The following ANKRD28 variants were observed in gnomAD, a reference collection of about 807,000 sequenced individuals.
ANKRD28 encodes the protein serine/threonine-protein phosphatase 6 regulatory ankyrin repeat subunit A.
A neutral mutation model predicts 126.5 loss-of-function variants in ANKRD28; 44 were observed. The observed-to-expected ratio is 0.35, with a 90% confidence interval of 0.27 to 0.45. The LOEUF is 0.45. Ranked by LOEUF, ANKRD28 falls within the 20% of genes least tolerant of loss-of-function variation. The pLI is 1.00. For synonymous variants in ANKRD28, 442 were observed against 468.5 expected, an observed-to-expected ratio of 0.94 and a Z score of 0.73; for missense variants, 1,110 against 1,316.6, an observed-to-expected ratio of 0.84 and a Z score of 2.43.
At position 15,833,565 on chromosome 3, in the gene ANKRD28, GTA is replaced by G. The variant is rs550234832; in HGVS notation, c.27+25810_27+25811del. Reference sequence around the variant, plus strand: ...TTTTTTATATATATAATGTGTGTGTGTATATATATATCTCCTATTAGTTCTGT... The same window carrying G: ...TTTTTTATATATATAATGTGTGTGTGTATATATATCTCCTATTAGTTCTGT... On this transcript the variant is annotated intron_variant, in intron 1 of 27. Coordinates refer to the ANKRD28 transcript ENST00000399451. This position sits in a 1 kb window ranked among gnomAD's most constrained non-coding sequence, Gnocchi z 4.4. 6.7e-6 allele frequency among the ~76,000 whole-genome samples: 1 copy of G among 149,464 alleles called. No homozygotes were observed. The highest frequency in any genetic ancestry group is 2.4e-5 in the African/African-American group (1 of 40,858).
At chr3:15,721,915 T>G (rs1049122405) in intron 7 of ANKRD28, among the ~76,000 whole-genome samples, 1 of 152,064 alleles carries the variant, frequency 6.6e-6, no homozygotes, top group African/African-American at 2.4e-5. Context: ...CTGGCTAATA[T>G]TTGTATTTTA....
At chr3:15,768,552 G>A (rs1384336966) in intron 2 of ANKRD28, among the ~76,000 whole-genome samples, 1 of 152,062 alleles carries the variant, frequency 6.6e-6, no homozygotes, top group Non-Finnish European at 1.5e-5. Flanking sequence ...GTACTCGGCA[G>A]GCTGAGGTAG....
rs141544673 is a variant in ANKRD28 at position 15,851,544 on chromosome 3, AAAATAAATAAATAAATAAAT to A, written c.27+7813_27+7832del. 1.5e-3 allele frequency among the ~76,000 whole-genome samples: 215 copies of A among 145,614 alleles called. 1 individual carries two copies. The highest frequency in any genetic ancestry group is 4.3e-3 in the African/African-American group (165 of 38,668). ...GAGTGACAAAGTGAGACTCTGTGTC[AAAATAAATAAATAAATAAAT>A]AAATAAATAAATAAATAAATAAATA... On this transcript the variant is annotated intron_variant, in intron 1 of 27. Transcript: ENST00000399451.
chr3:15,812,345 C>T lies in ANKRD28; in HGVS notation c.28-17039G>A, dbSNP rs1307103878. 6.6e-6 allele frequency among the ~76,000 whole-genome samples: 1 copy of T among 151,980 alleles called. No individual in the cohort carries two copies. Among genetic ancestry groups the T allele is most frequent in the Non-Finnish European group, 1.5e-5 (1 of 68,006 alleles). On this transcript the variant is annotated intron_variant, in intron 1 of 27. Transcript: ENST00000399451. The surrounding 1 kb of genome is among the most constrained non-coding windows in gnomAD (Gnocchi z 4.1). ...TTTAAATGAATTTTCAAATGGTGCC[C>T]TTAGGTAAATTTAGAAAGGGTTTGC...
rs183851445 is a variant in ANKRD28, at chr3:15,808,506, T to C, written c.28-13200A>G. ...TCAACTTTTTCTCTATGATCTTTCA[T>C]TTATTCAATAGTCATCTTTCATTTA... On this transcript the variant is annotated intron_variant, in intron 1 of 27. Transcript: ENST00000399451. 1.8e-3 allele frequency among the ~76,000 whole-genome samples: 271 copies of C among 152,362 alleles called. 1 individual carries two copies. Among genetic ancestry groups the C allele is most frequent in the African/African-American group, 5.9e-3 (247 of 41,588 alleles).
At chr3:15,851,530 T>C (rs934461363) in intron 1 of ANKRD28, among the ~76,000 whole-genome samples, 7 of 150,598 alleles carry the variant, frequency 4.6e-5, no homozygotes, top group Non-Finnish European at 8.8e-5. Context: ...AGTGACAAAG[T>C]GAGACTCTGT....
chr3:15,824,150 T>A (rs541576125), intron 1 of ANKRD28, among the ~76,000 whole-genome samples: 3 of 152,354 alleles, frequency 2.0e-5, no homozygotes, highest in South Asian at 2.1e-4. Context: ...ATGTTATACA[T>A]AGAAAATCCT....
intron 27 of ANKRD28, among the ~76,000 whole-genome samples, chr3:15,673,951 G>T (rs1008824484): frequency 1.4e-4 from 21 of 151,786 alleles, no homozygotes; most frequent in Non-Finnish European, 2.4e-4. Flanking sequence ...TGAGGTGGGG[G>T]GATTGCTTGA....
chr3:15,859,260 C>T (rs574967099), intron 1 of ANKRD28: 1 of 1,431,376 alleles, frequency 7.0e-7, no homozygotes, highest in African/African-American at 1.5e-5. Flanking sequence ...GGGCAGGACC[C>T]CCGTTTCCCT....
intron 1 of ANKRD28, among the ~76,000 whole-genome samples, chr3:15,807,174 G>A (rs1197383074): frequency 1.3e-5 from 2 of 152,210 alleles, no homozygotes; most frequent in Non-Finnish European, 2.9e-5. Flanking sequence ...TGCAGTAGAA[G>A]TGGAAATATC....
At chr3:15,759,503 G>A (rs944747222) in intron 3 of ANKRD28, among the ~76,000 whole-genome samples, 2 of 152,062 alleles carry the variant, frequency 1.3e-5, no homozygotes, top group Non-Finnish European at 2.9e-5. Context: ...TTGATTACAG[G>A]TGCCACGCCA....
At position 15,815,041 on chromosome 3, in the gene ANKRD28, A is replaced by T. The variant is rs2060804810; in HGVS notation, c.28-19735T>A. 6.6e-6 allele frequency among the ~76,000 whole-genome samples: 1 copy of T among 151,536 alleles called. No individual in the cohort carries two copies. Among genetic ancestry groups the T allele is most frequent in the Non-Finnish European group, 1.5e-5 (1 of 67,862 alleles). Reference sequence around the variant, plus strand: ...ATTCCATTCAAAAATACTGTATTTAATTTCCTAAGAGTAAATATTTGGGTT... The same window carrying T: ...ATTCCATTCAAAAATACTGTATTTATTTTCCTAAGAGTAAATATTTGGGTT... On this transcript the variant is annotated intron_variant, in intron 1 of 27. Coordinates refer to the ANKRD28 transcript ENST00000399451. The surrounding 1 kb of genome is among the most constrained non-coding windows in gnomAD (Gnocchi z 4.1).
At chr3:15,859,178 C>A (rs2061847423) in intron 1 of ANKRD28, among the ~76,000 whole-genome samples, 1 of 152,208 alleles carries the variant, frequency 6.6e-6, no homozygotes, top group African/African-American at 2.4e-5. Flanking sequence ...ACGTGGGCTT[C>A]ACCCAGGCCC....
intron 1 of ANKRD28, among the ~76,000 whole-genome samples, chr3:15,849,998 A>C (rs1226910473): frequency 6.6e-6 from 1 of 151,750 alleles, no homozygotes; most frequent in Non-Finnish European, 1.5e-5. Context: ...CTACAAACCT[A>C]CAGTTATCAA....
chr3:15,729,895 T>C (rs1218717967), intron 6 of ANKRD28, among the ~76,000 whole-genome samples: 1 of 152,246 alleles, frequency 6.6e-6, no homozygotes, highest in African/African-American at 2.4e-5. Flanking sequence ...TAAAAATCAA[T>C]TAAAAAATTT....
intron 4 of ANKRD28, among the ~76,000 whole-genome samples, chr3:15,740,792 C>G (rs995853041): frequency 2.6e-5 from 4 of 152,116 alleles, no homozygotes; most frequent in African/African-American, 4.8e-5. Flanking sequence ...AGTAGGTAAG[C>G]GTAGGTAAGT....
At chr3:15,706,695 T>C (rs911555141) in intron 14 of ANKRD28, among the ~76,000 whole-genome samples, 1 of 152,164 alleles carries the variant, frequency 6.6e-6, no homozygotes, top group Non-Finnish European at 1.5e-5. Context: ...AACTAGTTTA[T>C]AGTCCCACCA....
chr3:15,724,261 C>T (rs1409700685), intron 7 of ANKRD28, 121 bp downstream of exon 7: 14 of 845,132 alleles, frequency 1.7e-5, no homozygotes, highest in Admixed American at 2.9e-5. Flanking sequence ...CTATAAATAT[C>T]CAATTAAAAC....
At chr3:15,735,001 A>G (rs1200162432) in intron 6 of ANKRD28, among the ~76,000 whole-genome samples, 1 of 152,208 alleles carries the variant, frequency 6.6e-6, no homozygotes, top group East Asian at 1.9e-4. Context: ...ATTTACTATT[A>G]TAGAAATCAA....
Sources: allele counts gnomAD v4.1 joint callset (sites outside exome capture counted in the v4.1 genomes callset), GRCh38; gene constraint gnomAD v4.1.1; non-coding constraint Gnocchi (gnomAD v3.1); transcripts MANE v1.5; gene names NCBI Gene and HGNC (gene_info 2026-07-23, HGNC 2026-07-21).